Variants in COG2 observed in about 807,000 individuals in gnomAD.
The protein encoded by COG2 is component of oligomeric golgi complex 2, also known as conserved oligomeric Golgi complex subunit 2.
Under a neutral mutation model 90.6 loss-of-function variants are expected in COG2, and 52 were observed. The observed-to-expected ratio is 0.57, with a 90% CI of 0.46 to 0.72. COG2 has a LOEUF of 0.72. Among genes scored for constraint, COG2 ranks in the 30% least tolerant of loss-of-function variants. The pLI is 0.00. For missense variants in COG2, 829 were observed against 891.2 expected (o/e 0.93, Z 0.89); for synonymous variants, 337 against 320.4 (o/e 1.05, Z -0.55).
intron 1 of COG2, among the ~76,000 whole-genome samples, chr1:230,645,784 G>A (rs1205402391): frequency 1.3e-5 from 2 of 152,162 alleles, no homozygotes; most frequent in African/African-American, 2.4e-5. Flanking sequence ...GACACTGACA[G>A]ATCATTCAGC....
chr1:230,658,720 G>T, intron 1 of COG2, among the ~76,000 whole-genome samples: 1 of 152,202 alleles, frequency 6.6e-6, no homozygotes, highest in Non-Finnish European at 1.5e-5. Flanking sequence ...CCTGACTGGG[G>T]CTGCTGCCTT....
chr1:230,648,292 G>A (rs1270563077), intron 1 of COG2, among the ~76,000 whole-genome samples: 1 of 152,244 alleles, frequency 6.6e-6, no homozygotes, highest in Non-Finnish European at 1.5e-5. Flanking sequence ...GAAGGCAACA[G>A]CCCAGTGTTG....
intron 13 of COG2, chr1:230,687,844 C>T: frequency 2.2e-6 from 1 of 465,038 alleles, no homozygotes. Flanking sequence ...TGCTTATTCT[C>T]TGTGCCTGTT....
intron 11 of COG2, 81 bp downstream of exon 11, chr1:230,683,716 C>T: frequency 1.8e-5 from 16 of 875,324 alleles, no homozygotes; most frequent in Non-Finnish European, 2.9e-5. Context: ...TTGCAGTATT[C>T]TGAGCGTACT....
intron 1 of COG2, among the ~76,000 whole-genome samples, chr1:230,644,995 T>C (rs1571938531): frequency 6.6e-6 from 1 of 151,974 alleles, no homozygotes; most frequent in South Asian, 2.1e-4. Context: ...TCAAAGGTGG[T>C]AATGGCATGA....
chr1:230,677,235 C>T (rs906603505), intron 9 of COG2, among the ~76,000 whole-genome samples: 1 of 152,184 alleles, frequency 6.6e-6, no homozygotes, highest in Non-Finnish European at 1.5e-5. Context: ...CTCTTTTCCA[C>T]CTGCACATTG....
rs373973845 is a variant in COG2, at chr1:230,691,250, T to TA, written c.1935-133dup. The TA allele has an allele frequency of 3.4e-3, 2,154 of 635,956 alleles. 20 individuals are homozygous for TA. The highest frequency in any genetic ancestry group is 0.018 in the African/African-American group (1,008 of 54,714). 39.4% of individuals were successfully genotyped at this position (635,956 alleles called of 1,614,324 possible). ...AATGATCTTAAGAAACTTAAATACT[T>TA]ACCGTGGTTGAATTTTCGTTGGAAG... On this transcript the variant is annotated intron_variant, in intron 16 of 17. Coordinates refer to ENST00000366669, the MANE Select transcript of COG2 (RefSeq NM_007357.3).
chr1:230,686,252 G>T (rs933114879), intron 12 of COG2, among the ~76,000 whole-genome samples: 1 of 152,160 alleles, frequency 6.6e-6, no homozygotes, highest in Non-Finnish European at 1.5e-5. Flanking sequence ...CCTTTCCTCC[G>T]CTCAGAAGGG....
chr1:230,666,230 C>A (rs532164457), intron 5 of COG2, among the ~76,000 whole-genome samples: 1 of 152,268 alleles, frequency 6.6e-6, no homozygotes, highest in Non-Finnish European at 1.5e-5. Flanking sequence ...CCCTTTTATT[C>A]CTTGTCTTAG....
At chr1:230,662,963 T>C (rs1242786631) in intron 3 of COG2, among the ~76,000 whole-genome samples, 178 bp from the exon 4 acceptor site, 1 of 152,210 alleles carries the variant, frequency 6.6e-6, no homozygotes, top group Non-Finnish European at 1.5e-5. Context: ...GCTTTATATG[T>C]CATTTTCCCC....
At chr1:230,683,472 T>G in intron 10 of COG2, 102 bp from the exon 11 acceptor site, 1 of 805,886 alleles carries the variant, frequency 1.2e-6, no homozygotes, top group Non-Finnish European at 2.1e-6. Context: ...TACCAGTGAG[T>G]GACAGAGGAA....
chr1:230,687,043 A>C lies in COG2; in HGVS notation c.1489A>C (p.Ser497Arg). Residue 497 changes from serine to arginine, a missense_variant, in exon 13 of 18, where the codon AGT (serine) becomes CGT (arginine). Ser to Arg is a moderately radical substitution (Grantham distance 110, BLOSUM62 -1). Coordinates refer to ENST00000366669, the MANE Select transcript of COG2 (RefSeq NM_007357.3). ...ITQGNTEDQG[S>R]GPSETKPVVS... is the part of the protein sequence containing the mutation. ...CCAAGGAAACACTGAAGACCAAGGA[A>C]GTGGTCCTTCGGAAACAAAGCCTGT... The C allele has an allele frequency of 4.3e-6, 7 of 1,612,790 alleles. No individual in the cohort carries two copies. The highest frequency in any genetic ancestry group is 5.9e-6 in the Non-Finnish European group (7 of 1,179,252).
intron 1 of COG2, among the ~76,000 whole-genome samples, chr1:230,657,622 G>T (rs1054583272): frequency 6.6e-6 from 1 of 152,146 alleles, no homozygotes; most frequent in African/African-American, 2.4e-5. Context: ...TGTCTTGCTA[G>T]GTTGGGGAAG....
At chr1:230,669,228 A>G in intron 6 of COG2, 128 bp from the exon 7 acceptor site, 1 of 797,492 alleles carries the variant, frequency 1.3e-6, no homozygotes, top group Non-Finnish European at 1.9e-6. Flanking sequence ...TTCTCCAGGA[A>G]AAGTTATTAT....
At chr1:230,646,039 G>A (rs891139854) in intron 1 of COG2, among the ~76,000 whole-genome samples, 6 of 152,126 alleles carry the variant, frequency 3.9e-5, no homozygotes, top group Non-Finnish European at 5.9e-5. Flanking sequence ...GCCTGGATCC[G>A]GTGCCCTCTC....
intron 5 of COG2, among the ~76,000 whole-genome samples, chr1:230,667,489 G>A (rs1258112887): frequency 6.6e-6 from 1 of 152,176 alleles, no homozygotes; most frequent in Admixed American, 6.5e-5. Flanking sequence ...TCTTTGAGGA[G>A]CTTTTCTTAA....
Position 230,642,558 on chromosome 1 carries a change from C to T in COG2, c.-49C>T, listed in dbSNP as rs560055561. The T allele has an allele frequency of 3.2e-6, 5 of 1,579,406 alleles. No individual in the cohort carries two copies. Among genetic ancestry groups the T allele is most frequent in the Middle Eastern group, 1.7e-4 (1 of 6,002 alleles). On this transcript the variant is annotated 5_prime_UTR_variant, in exon 1 of 18. Coordinates refer to ENST00000366669, the MANE Select transcript of COG2 (RefSeq NM_007357.3). ...CCGCCGAGTCGGTCTGCGCAGCCTCCTGCGTTTTCTCGCTTGGATCTTGGC... is the reference window on the plus strand; with the variant it reads ...CCGCCGAGTCGGTCTGCGCAGCCTCTTGCGTTTTCTCGCTTGGATCTTGGC...
Position 230,653,860 on chromosome 1 carries a change from C to A in COG2, c.73-5604C>A, listed in dbSNP as rs1024702500. On this transcript the variant is annotated intron_variant, in intron 1 of 17. Coordinates refer to ENST00000366669, the MANE Select transcript of COG2 (RefSeq NM_007357.3). Reference sequence around the variant, plus strand: ...GAGAGGGATGAACTCACTTTTATAACCCTCTCTCAAAAATGAATCCACTAG... The same window carrying A: ...GAGAGGGATGAACTCACTTTTATAAACCTCTCTCAAAAATGAATCCACTAG... Among the ~76,000 whole-genome samples the A allele has an allele frequency of 6.6e-5, 10 of 152,176 alleles. No individual in the cohort carries two copies. The East Asian group carries it at 1.9e-3, about 29-fold the overall frequency.
At chr1:230,678,489 AC>A in intron 9 of COG2, 2 of 985,238 alleles carry the variant, frequency 2.0e-6, no homozygotes, top group South Asian at 4.7e-5. Context: ...TGAAGTGAAT[AC>A]TCACATGGTT....
Sources: allele counts gnomAD v4.1 joint callset (sites outside exome capture counted in the v4.1 genomes callset), GRCh38; gene constraint gnomAD v4.1.1; transcripts MANE v1.5; gene names NCBI Gene and HGNC (gene_info 2026-07-23, HGNC 2026-07-21).